Variants in PCDH15 observed in about 807,000 individuals in gnomAD.
The protein encoded by PCDH15 is protocadherin related 15, also known as protocadherin-15.
A neutral mutation model predicts 178.5 loss-of-function variants in PCDH15; 129 were observed. That is an observed-to-expected ratio of 0.72 (90% CI 0.63 to 0.84). The LOEUF (loss-of-function observed/expected upper bound fraction) is 0.84, where lower values mean the gene tolerates loss of function less well. PCDH15 is among the 40% of genes least tolerant of loss of function. The pLI is 0.00. For synonymous variants in PCDH15, 800 were observed against 732.0 expected (o/e 1.09, Z -1.50); for missense variants, 2,230 against 2,099.9 (o/e 1.06, Z -1.21).
chr10:55,376,540 T>C (rs561719459), intron 2 of PCDH15, among the ~76,000 whole-genome samples: 2 of 152,242 alleles, frequency 1.3e-5, no homozygotes, highest in Admixed American at 6.5e-5. Flanking sequence ...TGTTCTGCTT[T>C]AGTTTTCCAG....
intron 2 of PCDH15, among the ~76,000 whole-genome samples, chr10:55,076,769 T>C (rs931082737): frequency 2.1e-5 from 3 of 140,494 alleles, no homozygotes; most frequent in Admixed American, 7.1e-5. Flanking sequence ...GTGACCTTTT[T>C]TTTTTTTTTT....
chr10:54,730,655 G>C (rs906515531), intron 1 of PCDH15, among the ~76,000 whole-genome samples: 4 of 151,360 alleles, frequency 2.6e-5, no homozygotes, highest in African/African-American at 4.8e-5. Context: ...ACAGGAAATG[G>C]GGAAATGAGA....
chr10:54,280,361 G>A (rs2058617098), intron 8 of PCDH15, among the ~76,000 whole-genome samples: 1 of 150,426 alleles, frequency 6.6e-6, no homozygotes, highest in Non-Finnish European at 1.5e-5. Context: ...ACAACCGGGT[G>A]TCTCTATCTT....
At chr10:55,371,712 T>C (rs1055760832) in intron 2 of PCDH15, among the ~76,000 whole-genome samples, 1 of 152,132 alleles carries the variant, frequency 6.6e-6, no homozygotes, top group Non-Finnish European at 1.5e-5. Context: ...ATGTTTCCTG[T>C]ATAGCCTGCA....
chr10:54,389,224 T>C (rs898521873), intron 3 of PCDH15, among the ~76,000 whole-genome samples: 1 of 152,312 alleles, frequency 6.6e-6, no homozygotes, highest in African/African-American at 2.4e-5. Flanking sequence ...ATATACTTGT[T>C]AAATCTTGCT....
At chr10:53,811,686 T>C (rs1309274898) in intron 35 of PCDH15, 67 bp from the exon 36 acceptor site, 2 of 918,594 alleles carry the variant, frequency 2.2e-6, no homozygotes, top group Admixed American at 2.6e-5. Flanking sequence ...CAAAGTCAGA[T>C]TTCTACACCT....
At chr10:54,708,730 T>C (rs1442494821) in intron 1 of PCDH15, among the ~76,000 whole-genome samples, 2 of 151,998 alleles carry the variant, frequency 1.3e-5, no homozygotes, top group Non-Finnish European at 2.9e-5. Flanking sequence ...TGACTCCTAA[T>C]TGTGCAACCT....
At chr10:55,063,808 C>A (rs1591871064) in intron 2 of PCDH15, among the ~76,000 whole-genome samples, 1 of 152,278 alleles carries the variant, frequency 6.6e-6, no homozygotes. Flanking sequence ...ACTTCATAAT[C>A]TGACACTCAA....
intron 3 of PCDH15, among the ~76,000 whole-genome samples, chr10:54,524,733 C>T (rs1028068791): frequency 1.1e-4 from 17 of 152,300 alleles, no homozygotes; most frequent in East Asian, 5.8e-4. Flanking sequence ...ATACTAAATA[C>T]GCTCTACATG....
intron 13 of PCDH15, among the ~76,000 whole-genome samples, chr10:54,169,791 T>C (rs373570063): frequency 6.2e-4 from 93 of 150,386 alleles, no homozygotes; most frequent in Middle Eastern, 3.5e-3. Context: ...TGTTATCACT[T>C]GCCTGCTACA....
chr10:54,781,978 T>C (rs1391787650), intron 1 of PCDH15, among the ~76,000 whole-genome samples: 2 of 152,162 alleles, frequency 1.3e-5, no homozygotes, highest in East Asian at 1.9e-4. Context: ...GAAAAACTCA[T>C]TGGCAAATAA....
At chr10:55,552,165 C>T (rs1842014981) in intron 2 of PCDH15, among the ~76,000 whole-genome samples, 2 of 151,560 alleles carry the variant, frequency 1.3e-5, no homozygotes, top group Non-Finnish European at 3.0e-5. Context: ...TAAAATATTG[C>T]CTTCTGGAAT....
intron 2 of PCDH15, chr10:55,599,778 C>T (rs1160948199): frequency 1.6e-5 from 7 of 439,156 alleles, no homozygotes; most frequent in African/African-American, 4.0e-5. Context: ...CCAAAAACAT[C>T]ACCCCTAGCA....
intron 3 of PCDH15, among the ~76,000 whole-genome samples, chr10:54,867,265 TGTGATCTCTCCAAATACTA>T (rs1359619283): frequency 2.0e-5 from 3 of 152,168 alleles, no homozygotes; most frequent in African/African-American, 4.8e-5. Context: ...AAGTTTGAAC[TGTGATCTCTCCAAATACTA>T]GTGGACCCTA....
intron 2 of PCDH15, among the ~76,000 whole-genome samples, chr10:55,360,183 T>C (rs1845194057): frequency 6.6e-6 from 1 of 152,002 alleles, no homozygotes; most frequent in African/African-American, 2.4e-5. Context: ...CATTCCAAAA[T>C]GTATTTATTC....
chr10:54,894,487 A>G (rs1247879332), intron 3 of PCDH15, among the ~76,000 whole-genome samples: 1 of 152,152 alleles, frequency 6.6e-6, no homozygotes, highest in Non-Finnish European at 1.5e-5. Flanking sequence ...AGGATACAGC[A>G]CAGGAAAGAA....
intron 14 of PCDH15, among the ~76,000 whole-genome samples, chr10:54,138,689 T>G (rs992634755): frequency 3.9e-5 from 6 of 152,240 alleles, no homozygotes; most frequent in African/African-American, 1.4e-4. Context: ...CTGGGGAGGT[T>G]TAGCCTTTAA....
At chr10:54,661,560 T>C (rs923454461) in intron 2 of PCDH15, among the ~76,000 whole-genome samples, 1 of 151,618 alleles carries the variant, frequency 6.6e-6, no homozygotes, top group African/African-American at 2.4e-5. Context: ...AATTCTAAAA[T>C]ACATATGGAA....
At chr10:54,542,075 T>C (rs11004360) in intron 2 of PCDH15, among the ~76,000 whole-genome samples, 17,063 of 152,256 alleles carry the variant, frequency 0.11, 1,274 homozygotes, top group East Asian at 0.37. Context: ...TCCATGTAAA[T>C]ATGTCCTTAG....
Sources: allele counts gnomAD v4.1 joint callset (sites outside exome capture counted in the v4.1 genomes callset), GRCh38; gene constraint gnomAD v4.1.1; transcripts MANE v1.5; gene names NCBI Gene and HGNC (gene_info 2026-07-23, HGNC 2026-07-21).